DYNLL2: variants seen among roughly 807,000 people sequenced by gnomAD.
DYNLL2 encodes dynein light chain LC8-type 2.
In DYNLL2, 1 loss-of-function variant was observed where a neutral mutation model predicts 9.7. The observed-to-expected ratio is 0.10, with a 90% CI of 0.04 to 0.49. The LOEUF (loss-of-function observed/expected upper bound fraction) is 0.49, where lower values mean the gene tolerates loss of function less well. Among genes scored for constraint, DYNLL2 ranks in the 20% least tolerant of loss-of-function variants. The pLI is 0.95. For missense variants in DYNLL2, 37 were observed against 115.2 expected (o/e 0.32, Z 3.11); for synonymous variants, 35 against 40.5 (o/e 0.86, Z 0.52).
rs2075782150 is a variant in DYNLL2 at position 58,092,087 on chromosome 17, A to G, written c.*2808A>G. On this transcript the variant is annotated 3_prime_UTR_variant, in exon 3 of 3. Transcript: ENST00000579991. ...GCTATTGAGTGTTGGAGGTAGGTAG[A>G]TAGGGTTCCTCCAGTTAGGAAGGTG... 1 of 152,208 alleles carries G rather than the reference A, an allele frequency of 6.6e-6. No individual in the cohort carries two copies. The allele number at this position is 152,208 out of a possible 1,614,324, so 9.4% of individuals were successfully genotyped here. A position where few individuals can be genotyped will look rare whatever the true frequency, so the allele number is the denominator to read the frequency against.
rs1389559111 is a variant in DYNLL2 at position 58,093,840 on chromosome 17, C to T, written c.*4561C>T. The stretch of plus-strand genomic sequence containing the variant: ...ACAAAAAGCATAGCCCCTTCACTAC[C>T]CTAGTAACAAGTATGACCTGTTGCC... On this transcript the variant is annotated 3_prime_UTR_variant, in exon 3 of 3. Transcript: ENST00000579991. The T allele has an allele frequency of 6.6e-6, 1 of 151,414 alleles. No individual in the cohort carries two copies. Among genetic ancestry groups the T allele is most frequent in the Non-Finnish European group, 1.5e-5 (1 of 67,968 alleles). The allele number at this position is 151,414 out of a possible 1,614,324, so 9.4% of individuals were successfully genotyped here.
Position 58,094,907 on chromosome 17 carries a change from C to G in DYNLL2, c.*5628C>G, listed in dbSNP as rs2075792800. 1 of 152,200 alleles carries G rather than the reference C, an allele frequency of 6.6e-6. No homozygotes were observed. Among genetic ancestry groups the G allele is most frequent in the Non-Finnish European group, 1.5e-5 (1 of 68,024 alleles). 9.4% of individuals were successfully genotyped at this position (152,200 alleles called of 1,614,324 possible). A position where few individuals can be genotyped will look rare whatever the true frequency, so the allele number is the denominator to read the frequency against. On this transcript the variant is annotated 3_prime_UTR_variant, in exon 3 of 3. Coordinates refer to ENST00000579991, the MANE Select transcript of DYNLL2 (RefSeq NM_080677.3). Reference sequence around the variant, plus strand: ...TTTCACTTAGCATGTTTTCAAGGTTCATTTGTGCTGTAGCATTTATCAGTA... The same window carrying G: ...TTTCACTTAGCATGTTTTCAAGGTTGATTTGTGCTGTAGCATTTATCAGTA...
rs2075774722 is a variant in DYNLL2 at position 58,090,117 on chromosome 17, C to G, written c.*838C>G. 3 of 391,162 alleles carry G rather than the reference C, an allele frequency of 7.7e-6. No homozygotes were observed. Among genetic ancestry groups the G allele is most frequent in the Non-Finnish European group, 1.4e-5 (3 of 222,038 alleles). 24.2% of individuals were successfully genotyped at this position (391,162 alleles called of 1,614,324 possible). ...TCCTCTGGAGTTCTCTTAGAGCAGC[C>G]CCTGTTGTTAGTTGGCTGGCAAGGG... On this transcript the variant is annotated 3_prime_UTR_variant, in exon 3 of 3. Transcript: ENST00000579991.
chr17:58,086,351 C>T (rs1196319482), intron 1 of DYNLL2, among the ~76,000 whole-genome samples: 1 of 152,224 alleles, frequency 6.6e-6, no homozygotes, highest in African/African-American at 2.4e-5. Flanking sequence ...GTTCCTGCAA[C>T]ACTTTATTTT....
At position 58,089,983 on chromosome 17, in the gene DYNLL2, T is replaced by C. The variant is rs1327172807; in HGVS notation, c.*704T>C. 2 of 398,534 alleles carry C rather than the reference T, an allele frequency of 5.0e-6. No homozygotes were observed. Among genetic ancestry groups the C allele is most frequent in the Non-Finnish European group, 8.8e-6 (2 of 226,092 alleles). 24.7% of individuals were successfully genotyped at this position (398,534 alleles called of 1,614,324 possible). On this transcript the variant is annotated 3_prime_UTR_variant, in exon 3 of 3. Transcript: ENST00000579991. Reference sequence around the variant, plus strand: ...TTTGTGGATTACCTTCTTTTGTTCTTCCTGCCAGAGATCATGACAGGAGGA... The same window carrying C: ...TTTGTGGATTACCTTCTTTTGTTCTCCCTGCCAGAGATCATGACAGGAGGA...
chr17:58,084,928 C>T (rs771014299), intron 1 of DYNLL2, among the ~76,000 whole-genome samples: 38 of 150,372 alleles, frequency 2.5e-4, no homozygotes, highest in Non-Finnish European at 3.8e-4. Context: ...AATGTAAGAA[C>T]CTTTCTCCCT....
intron 1 of DYNLL2, among the ~76,000 whole-genome samples, 198 bp from the exon 2 acceptor site, chr17:58,086,884 T>C (rs944216483): frequency 1.3e-5 from 2 of 152,236 alleles, no homozygotes; most frequent in Non-Finnish European, 1.5e-5. Context: ...TTATGTCCTA[T>C]TGGCCCTGTA....
chr17:58,087,000 C>G lies in DYNLL2; in HGVS notation c.-9-82C>G. On this transcript the variant is annotated intron_variant, in intron 1 of 2. Transcript: ENST00000579991. ...CCTCACCTTCTATACTCCCCTCTTG[C>G]ACTGAGACCCCACACCCAGCAGCTA... The G allele has an allele frequency of 2.6e-6, 4 of 1,546,152 alleles. No individual in the cohort carries two copies. In the South Asian group the frequency reaches 3.5e-5, roughly 14 times the overall value.
intron 1 of DYNLL2, 123 bp downstream of exon 1, chr17:58,083,806 C>G (rs2075745964): frequency 6.6e-6 from 1 of 151,924 alleles, no homozygotes; most frequent in Non-Finnish European, 1.5e-5. Context: ...AGGCCTGGAA[C>G]AGGGCTGGCC....
At position 58,089,903 on chromosome 17, in the gene DYNLL2, G is replaced by A. The variant is rs1214326071; in HGVS notation, c.*624G>A. On this transcript the variant is annotated 3_prime_UTR_variant, in exon 3 of 3. Transcript: ENST00000579991. ...GTGTTTGTCTGTGGTGTGTGGGAGT[G>A]GGGAGCAGATTTGTCTTGCTGTCTT... is the stretch of plus-strand genomic sequence containing the variant. The A allele has an allele frequency of 7.5e-6, 3 of 398,572 alleles. No individual in the cohort carries two copies. Among genetic ancestry groups the A allele is most frequent in the Non-Finnish European group, 1.3e-5 (3 of 226,144 alleles). The allele number at this position is 398,572 out of a possible 1,614,324, so 24.7% of individuals were successfully genotyped here. A position where few individuals can be genotyped will look rare whatever the true frequency, so the allele number is the denominator to read the frequency against.
intron 1 of DYNLL2, 57 bp from the exon 2 acceptor site, chr17:58,087,025 A>T (rs1161786885): frequency 1.3e-6 from 2 of 1,594,332 alleles, no homozygotes; most frequent in African/African-American, 2.7e-5. Flanking sequence ...CCCAGCAGCT[A>T]ATGTTCACTG....
chr17:58,088,559 A>C (rs1056728350), intron 2 of DYNLL2, among the ~76,000 whole-genome samples: 2 of 152,208 alleles, frequency 1.3e-5, no homozygotes, highest in Non-Finnish European at 2.9e-5. Context: ...AATTGCCTTG[A>C]TCTCATGGTG....
Position 58,089,825 on chromosome 17 carries a change from A to G in DYNLL2, c.*546A>G, listed in dbSNP as rs918183088. On this transcript the variant is annotated 3_prime_UTR_variant, in exon 3 of 3. Coordinates refer to ENST00000579991, the MANE Select transcript of DYNLL2 (RefSeq NM_080677.3). Reference sequence around the variant, plus strand: ...GAATATTCCACTGAACTGTGATTCTATGGCTTGGGGCGGAGGGTGGGGTGG... The same window carrying G: ...GAATATTCCACTGAACTGTGATTCTGTGGCTTGGGGCGGAGGGTGGGGTGG... 37 of 395,138 alleles carry G rather than the reference A, an allele frequency of 9.4e-5. No homozygotes were observed. Among genetic ancestry groups the G allele is most frequent in the African/African-American group, 2.3e-4 (11 of 48,454 alleles). The allele number at this position is 395,138 out of a possible 1,614,324, so 24.5% of individuals were successfully genotyped here.
intron 1 of DYNLL2, among the ~76,000 whole-genome samples, chr17:58,084,022 G>A (rs1307924890): frequency 6.6e-6 from 1 of 152,000 alleles, no homozygotes; most frequent in East Asian, 1.9e-4. Flanking sequence ...CCGGGGAAGA[G>A]GGGGTGGAGA....
intron 1 of DYNLL2, among the ~76,000 whole-genome samples, chr17:58,085,279 T>C (rs2075755589): frequency 6.6e-6 from 1 of 152,200 alleles, no homozygotes; most frequent in Admixed American, 6.5e-5. Flanking sequence ...GGCTGGCAGC[T>C]GGCATGTGTG....
rs1405705433 is a variant in DYNLL2, at chr17:58,091,773, A to G, written c.*2494A>G. 1 of 152,160 alleles carries G rather than the reference A, an allele frequency of 6.6e-6. No homozygotes were observed. Among genetic ancestry groups the G allele is most frequent in the South Asian group, 2.1e-4 (1 of 4,828 alleles). The allele number at this position is 152,160 out of a possible 1,614,324, so 9.4% of individuals were successfully genotyped here. A position where few individuals can be genotyped will look rare whatever the true frequency, so the allele number is the denominator to read the frequency against. ...GAAATCAGCAGTGCCAAGACTTCTG[A>G]GAGTGTCTGCCCACCCCTGACTCCA... On this transcript the variant is annotated 3_prime_UTR_variant, in exon 3 of 3. Coordinates refer to ENST00000579991, the MANE Select transcript of DYNLL2 (RefSeq NM_080677.3).
intron 1 of DYNLL2, among the ~76,000 whole-genome samples, chr17:58,084,827 CT>C (rs1242725068): frequency 1.3e-5 from 2 of 151,980 alleles, no homozygotes; most frequent in African/African-American, 4.8e-5. Flanking sequence ...ACCCCCACCC[CT>C]GGGTTTGTAA....
At position 58,092,866 on chromosome 17, in the gene DYNLL2, T is replaced by C. The variant is rs1027213730; in HGVS notation, c.*3587T>C. The C allele has an allele frequency of 1.3e-5, 2 of 152,052 alleles. No individual in the cohort carries two copies. The highest frequency in any genetic ancestry group is 4.9e-5 in the African/African-American group (2 of 41,236). The allele number at this position is 152,052 out of a possible 1,614,324, so 9.4% of individuals were successfully genotyped here. Reference sequence around the variant, plus strand: ...TGTGGTTCCCCGCTAAATTATTCTCTCACCTCCTTTCAGTCTTTGCTCAAA... The same window carrying C: ...TGTGGTTCCCCGCTAAATTATTCTCCCACCTCCTTTCAGTCTTTGCTCAAA... On this transcript the variant is annotated 3_prime_UTR_variant, in exon 3 of 3. Coordinates refer to ENST00000579991, the MANE Select transcript of DYNLL2 (RefSeq NM_080677.3).
rs568250610 is a variant in DYNLL2, at chr17:58,092,259, G to A, written c.*2980G>A. 3.7e-4 allele frequency: 57 copies of A among 152,320 alleles called. No individual in the cohort carries two copies. The highest frequency in any genetic ancestry group is 1.3e-3 in the African/African-American group (56 of 41,558). 9.4% of individuals were successfully genotyped at this position (152,320 alleles called of 1,614,324 possible). On this transcript the variant is annotated 3_prime_UTR_variant, in exon 3 of 3. Transcript: ENST00000579991. ...GCTGGAGCTTTGGGAGGGAGAGTGAGGCCACAGTTCACATTTCATCAGGGA... is the reference window on the plus strand; with the variant it reads ...GCTGGAGCTTTGGGAGGGAGAGTGAAGCCACAGTTCACATTTCATCAGGGA...
Sources: allele counts gnomAD v4.1 joint callset (sites outside exome capture counted in the v4.1 genomes callset), GRCh38; gene constraint gnomAD v4.1.1; transcripts MANE v1.5; gene names NCBI Gene and HGNC (gene_info 2026-07-23, HGNC 2026-07-21).